GABRB3: variants seen among roughly 807,000 people sequenced by gnomAD.
The protein encoded by GABRB3 is gamma-aminobutyric acid receptor subunit beta-3.
Under a neutral mutation model 52.1 loss-of-function variants are expected in GABRB3, and 14 were observed. The ratio of observed to expected loss-of-function variants is 0.27; its 90% CI spans 0.18 to 0.42. The LOEUF (loss-of-function observed/expected upper bound fraction) is 0.42, where lower values mean the gene tolerates loss of function less well. Among genes scored for constraint, GABRB3 ranks in the 10% least tolerant of loss-of-function variants. GABRB3 has a pLI of 1.00. For missense variants in GABRB3, 307 were observed against 609.1 expected (o/e 0.50, Z 5.22); for synonymous variants, 260 against 232.3 (o/e 1.12, Z -1.08).
intron 3 of GABRB3, among the ~76,000 whole-genome samples, chr15:26,698,699 C>T (rs1452319576): frequency 6.6e-6 from 1 of 152,148 alleles, no homozygotes; most frequent in Non-Finnish European, 1.5e-5. Flanking sequence ...GGCTAATCCT[C>T]CCTCTTTTGG....
intron 3 of GABRB3, among the ~76,000 whole-genome samples, chr15:26,671,082 C>T (rs1471682111): frequency 2.0e-5 from 3 of 151,946 alleles, no homozygotes; most frequent in Admixed American, 2.0e-4. Flanking sequence ...ATAAGCCCTA[C>T]GCCACTTAAG....
chr15:26,568,629 G>GT (rs1329161450), intron 6 of GABRB3, among the ~76,000 whole-genome samples: 1 of 148,328 alleles, frequency 6.7e-6, no homozygotes, highest in Non-Finnish European at 1.5e-5. Flanking sequence ...TCCCGAGTAG[G>GT]TGGGACTACA....
chr15:26,638,798 T>C (rs1049138582), intron 3 of GABRB3, among the ~76,000 whole-genome samples: 7 of 152,186 alleles, frequency 4.6e-5, no homozygotes, highest in Admixed American at 4.6e-4. Context: ...ACCTTTCAAC[T>C]TCACTCAAAT....
At chr15:26,745,738 G>A (rs74004666) in intron 3 of GABRB3, among the ~76,000 whole-genome samples, 2,583 of 152,084 alleles carry the variant, frequency 0.017, 88 homozygotes, top group African/African-American at 0.059. Flanking sequence ...TAACCTTTAC[G>A]CTTAATAAGC....
intron 4 of GABRB3, among the ~76,000 whole-genome samples, chr15:26,603,094 T>C (rs56010171): frequency 0.17 from 25,534 of 151,882 alleles, 2,190 homozygotes; most frequent in African/African-American, 0.22. Flanking sequence ...ACAACTGATG[T>C]TGCAGAAATT....
At chr15:26,610,849 C>T (rs576500556) in intron 4 of GABRB3, among the ~76,000 whole-genome samples, 1 of 152,278 alleles carries the variant, frequency 6.6e-6, no homozygotes, top group African/African-American at 2.4e-5. Context: ...TCAGAATTGT[C>T]AGCATACATT....
chr15:26,678,460 A>G (rs1475995691), intron 3 of GABRB3, among the ~76,000 whole-genome samples: 3 of 152,130 alleles, frequency 2.0e-5, no homozygotes, highest in Non-Finnish European at 2.9e-5. Flanking sequence ...GTGCTCTTCC[A>G]TGCTTCTCTG....
intron 8 of GABRB3, among the ~76,000 whole-genome samples, chr15:26,554,155 TA>T (rs1889630083): frequency 4.0e-4 from 18 of 45,346 alleles, no homozygotes; most frequent in South Asian, 7.6e-4. Context: ...TATATATATA[TA>T]TAAAGTATAT....
Position 26,709,515 on chromosome 15 carries a change from CTTTTTTTTTTTT to C in GABRB3, c.240+62875_240+62886del, listed in dbSNP as rs57044167. ...TAAACCTCTTTTCTTTTTTTTCTTT[CTTTTTTTTTTTT>C]TTTTTTTTTTGAGACAGTCTTGCTC... On this transcript the variant is annotated intron_variant, in intron 3 of 8. Transcript: ENST00000311550. 4.3e-5 allele frequency among the ~76,000 whole-genome samples: 4 copies of C among 92,006 alleles called. No homozygotes were observed. The Admixed American group carries it at 4.5e-4, about 10-fold the overall frequency. The allele number at this position is 92,006 out of a possible 152,430, so 60.4% of individuals were successfully genotyped here. A position where few individuals can be genotyped will look rare whatever the true frequency, so the allele number is the denominator to read the frequency against.
At chr15:26,628,967 C>G (rs768089894) in intron 3 of GABRB3, 1 of 1,536,100 alleles carries the variant, frequency 6.5e-7, no homozygotes, top group South Asian at 1.2e-5. Flanking sequence ...CCCGCGTCCC[C>G]GACTTTTACC....
intron 3 of GABRB3, among the ~76,000 whole-genome samples, chr15:26,761,545 T>C (rs1249233369): frequency 2.6e-5 from 4 of 152,042 alleles, no homozygotes; most frequent in Admixed American, 2.6e-4. Context: ...TATACTATAC[T>C]ATATATTCTC....
chr15:26,621,165 A>AT lies in GABRB3; in HGVS notation c.461+148dup, dbSNP rs5811434. On this transcript the variant is annotated intron_variant, in intron 4 of 8. Transcript: ENST00000311550. This position sits in a 1 kb window ranked among gnomAD's most constrained non-coding sequence, Gnocchi z 4.1. ...ATGCCCCAAATTTTATGGTTATGAGATTTTTTTTTCTGCAAAGCTTTAGTG... is the reference window on the plus strand; with the variant it reads ...ATGCCCCAAATTTTATGGTTATGAGATTTTTTTTTTCTGCAAAGCTTTAGTG... 0.59 allele frequency: 408,378 copies of AT among 697,794 alleles called. 118,679 individuals are homozygous for AT. Among genetic ancestry groups the AT allele is most frequent in the East Asian group, 0.82 (29,057 of 35,374 alleles). The allele number at this position is 697,794 out of a possible 1,614,324, so 43.2% of individuals were successfully genotyped here.
At chr15:26,555,980 G>C (rs1273197494) in intron 8 of GABRB3, among the ~76,000 whole-genome samples, 3 of 152,102 alleles carry the variant, frequency 2.0e-5, no homozygotes, top group Non-Finnish European at 2.9e-5. Flanking sequence ...AACTTAAACA[G>C]ATATTTCCAA....
At chr15:26,585,720 T>C (rs1455037962) in intron 4 of GABRB3, among the ~76,000 whole-genome samples, 1 of 152,240 alleles carries the variant, frequency 6.6e-6, no homozygotes, top group African/African-American at 2.4e-5. Flanking sequence ...CACTTCCCCT[T>C]ATCCATGGAG....
At chr15:26,649,658 C>CTCTGTGTGTG (rs1555373941) in intron 3 of GABRB3, among the ~76,000 whole-genome samples, 1 of 130,096 alleles carries the variant, frequency 7.7e-6, no homozygotes, top group Non-Finnish European at 1.6e-5. Context: ...AGAGCCAAGG[C>CTCTGTGTGTG]TGTGTGTGTG....
At chr15:26,654,231 C>T (rs952554352) in intron 3 of GABRB3, among the ~76,000 whole-genome samples, 2 of 152,174 alleles carry the variant, frequency 1.3e-5, no homozygotes, top group African/African-American at 4.8e-5. Flanking sequence ...CTGCAAGCTC[C>T]GCCTCCTGAG....
intron 3 of GABRB3, among the ~76,000 whole-genome samples, chr15:26,648,191 C>T (rs1887074002): frequency 6.6e-6 from 1 of 152,168 alleles, no homozygotes; most frequent in African/African-American, 2.4e-5. Flanking sequence ...TCCTTTCTGT[C>T]TCTGAATTTA....
At chr15:26,728,211 G>T (rs922130688) in intron 3 of GABRB3, among the ~76,000 whole-genome samples, 2 of 152,138 alleles carry the variant, frequency 1.3e-5, no homozygotes, top group African/African-American at 4.8e-5. Context: ...GCTCACAACT[G>T]TATCAATGAG....
intron 3 of GABRB3, among the ~76,000 whole-genome samples, chr15:26,771,306 C>A (rs1195866101): frequency 6.6e-6 from 1 of 152,134 alleles, no homozygotes; most frequent in African/African-American, 2.4e-5. Flanking sequence ...AAGACTCCAG[C>A]CTATCTTGAT....
Sources: allele counts gnomAD v4.1 joint callset (sites outside exome capture counted in the v4.1 genomes callset), GRCh38; gene constraint gnomAD v4.1.1; non-coding constraint Gnocchi (gnomAD v3.1); transcripts MANE v1.5; gene names NCBI Gene and HGNC (gene_info 2026-07-23, HGNC 2026-07-21).